Variants in ERI2 observed in about 807,000 individuals in gnomAD.
ERI2 encodes the protein ERI1 exoribonuclease 2.
ERI2 carries 35 observed loss-of-function variants against 46.8 expected under a neutral mutation model. The ratio of observed to expected loss-of-function variants is 0.75; its 90% CI spans 0.57 to 0.99. The LOEUF (loss-of-function observed/expected upper bound fraction) is 0.99. Among genes scored for constraint, ERI2 ranks in the 50% least tolerant of loss-of-function variants. ERI2 has a pLI of 0.00. For missense variants in ERI2, 695 were observed against 796.2 expected, an observed-to-expected ratio of 0.87 and a Z score of 1.53; for synonymous variants, 224 against 271.0, an observed-to-expected ratio of 0.83 and a Z score of 1.70.
intron 9 of ERI2, chr16:20,789,682 T>TTA: frequency 1.1e-5 from 7 of 631,686 alleles, no homozygotes; most frequent in East Asian, 2.8e-5. Context: ...AACTCTATTT[T>TTA]TCTTTTTTTT....
intron 10 of ERI2, chr16:20,781,605 C>T (rs2080354115): frequency 1.1e-6 from 1 of 897,300 alleles, no homozygotes; most frequent in Admixed American, 1.9e-5. Flanking sequence ...AATGTATTTA[C>T]ATTAACATAA....
intron 9 of ERI2, chr16:20,789,599 T>C: frequency 7.1e-7 from 1 of 1,401,986 alleles, no homozygotes; most frequent in Non-Finnish European, 1.0e-6. Context: ...TATTTATTTA[T>C]CAAGAGGAAA....
chr16:20,798,353 T>C lies in ERI2; in HGVS notation c.1447A>G (p.Ile483Val), dbSNP rs1314421635. Residue 483 changes from isoleucine (I) to valine (V), a missense_variant, in exon 9 of 9, where the codon ATT (isoleucine) becomes GTT (valine). Transcript: ENST00000357967. ...TCTTTGGCTTCTTTTACATTATAAA[T>C]AGTAGTGTGAGGACTCTTGTACACA... The part of the protein sequence containing the change: ...SIVYKSPHTT[I>V]YNVKEAKDPG... 2 of 1,551,392 alleles carry C rather than the reference T, an allele frequency of 1.3e-6. No homozygotes were observed. The highest frequency in any genetic ancestry group is 1.4e-5 in the African/African-American group (1 of 73,040).
chr16:20,789,418 C>T, intron 10 of ERI2: 1 of 1,213,472 alleles, frequency 8.2e-7, no homozygotes, highest in South Asian at 1.2e-5. Context: ...TACTGGTAGA[C>T]ACTTCAGGGA....
Position 20,800,309 on chromosome 16 carries a change from G to A in ERI2, c.554C>T (p.Thr185Ile), listed in dbSNP as rs540934841. 6.2e-7 allele frequency: 1 copy of A among 1,601,706 alleles called. No homozygotes were observed. The highest frequency in any genetic ancestry group is 1.7e-5 in the Admixed American group (1 of 59,046). The stretch of plus-strand genomic sequence containing the variant: ...CCCATTTTTTACCATTACCTTGTAA[G>A]TTGCTCTGAGATCAATCCAAGAATT... ...FLNSWIDLRA[T>I]YKLFYRRKPK... Residue 185 changes from threonine (T) to isoleucine (I), a missense_variant, in exon 6 of 9, where the codon ACT becomes ATT. Coordinates refer to ENST00000357967, the MANE Select transcript of ERI2 (RefSeq NM_001142725.2).
chr16:20,804,714 C>T (rs1250294259), intron 1 of ERI2, among the ~76,000 whole-genome samples: 3 of 152,064 alleles, frequency 2.0e-5, no homozygotes, highest in Non-Finnish European at 4.4e-5. Flanking sequence ...GAAGAGCTTA[C>T]TGAGGTCTTA....
At chr16:20,781,553 A>G (rs1225568060) in intron 10 of ERI2, among the ~76,000 whole-genome samples, 4 of 152,228 alleles carry the variant, frequency 2.6e-5, no homozygotes, top group Non-Finnish European at 5.9e-5. Flanking sequence ...CCTGGAACCA[A>G]TCCTGCAGAC....
chr16:20,782,128 T>C (rs2080364959), intron 10 of ERI2, among the ~76,000 whole-genome samples: 1 of 152,214 alleles, frequency 6.6e-6, no homozygotes, highest in Non-Finnish European at 1.5e-5. Context: ...TCCCAGCAGA[T>C]AGAAAAGAGG....
At chr16:20,786,240 T>C (rs1214613948) in intron 10 of ERI2, 2 of 1,515,780 alleles carry the variant, frequency 1.3e-6, no homozygotes, top group Non-Finnish European at 1.8e-6. Context: ...ATATAAACTT[T>C]CTTTGTTATG....
intron 5 of ERI2, among the ~76,000 whole-genome samples, chr16:20,800,990 C>T (rs1032667430): frequency 6.6e-6 from 1 of 151,980 alleles, no homozygotes; most frequent in Non-Finnish European, 1.5e-5. Context: ...TAAGTTCAGG[C>T]TTAATATTTT....
At chr16:20,803,906 G>A (rs948460800) in intron 1 of ERI2, among the ~76,000 whole-genome samples, 1 of 152,156 alleles carries the variant, frequency 6.6e-6, no homozygotes, top group Non-Finnish European at 1.5e-5. Context: ...AGGTTGCAGT[G>A]CAGTGGTATG....
chr16:20,781,638 TCAAC>T, intron 10 of ERI2: 1 of 1,164,110 alleles, frequency 8.6e-7, no homozygotes, highest in South Asian at 1.2e-5. Flanking sequence ...TTGTGCTGCG[TCAAC>T]CAAAGACATT....
chr16:20,780,449 C>A, exon 11 of ERI2: 1 of 642,704 alleles, frequency 1.6e-6, no homozygotes, highest in Non-Finnish European at 2.6e-6. Flanking sequence ...TTTAAAAATG[C>A]TTCAATCCTT....
At chr16:20,800,089 T>C in intron 6 of ERI2, 51 bp from the exon 7 acceptor site, 1 of 1,171,296 alleles carries the variant, frequency 8.5e-7, no homozygotes, top group Non-Finnish European at 1.2e-6. Context: ...TTTTAAAGAC[T>C]ATGTATTAAA....
downstream of ERI2, chr16:20,796,310 A>C (rs1226889444): frequency 1.9e-6 from 3 of 1,580,124 alleles, no homozygotes; most frequent in African/African-American, 2.7e-5. Flanking sequence ...AGCAAACAAG[A>C]CATACTAAAA....
chr16:20,799,982 T>C lies in ERI2; in HGVS notation c.618A>G (p.Ile206Met). The C allele has an allele frequency of 6.2e-7, 1 of 1,605,502 alleles. No individual in the cohort carries two copies. The highest frequency in any genetic ancestry group is 2.2e-5 in the East Asian group (1 of 44,698). Reference protein sequence around the residue: ...GLSGALQEVGIEFSGREHSGL... With the variant: ...GLSGALQEVGMEFSGREHSGL... ...CAGAATGTTCTCGTCCTGAGAATTC[T>C]ATTCCTACTTCCTGCAAGGCACCAC... Residue 206 changes from isoleucine to methionine, a missense_variant, in exon 7 of 9, where the codon ATA becomes ATG. Transcript: ENST00000357967.
At chr16:20,799,561 C>T (rs2080773883) in intron 7 of ERI2, 1 of 561,636 alleles carries the variant, frequency 1.8e-6, no homozygotes, top group South Asian at 2.4e-5. Flanking sequence ...AGCTCGTCCA[C>T]ATTTATAGAG....
At chr16:20,805,528 G>T (rs1267643321) in intron 1 of ERI2, among the ~76,000 whole-genome samples, 1 of 152,084 alleles carries the variant, frequency 6.6e-6, no homozygotes, top group Non-Finnish European at 1.5e-5. Context: ...TTCTCTTAGA[G>T]CAAAATTTAT....
At chr16:20,789,998 T>G (rs2152484162) in intron 9 of ERI2, among the ~76,000 whole-genome samples, 1 of 152,228 alleles carries the variant, frequency 6.6e-6, no homozygotes, top group East Asian at 1.9e-4. Context: ...TCGATTTATC[T>G]ATATTGTCTC....
Sources: allele counts gnomAD v4.1 joint callset (sites outside exome capture counted in the v4.1 genomes callset), GRCh38; gene constraint gnomAD v4.1.1; transcripts MANE v1.5; gene names NCBI Gene and HGNC (gene_info 2026-07-23, HGNC 2026-07-21).